Variants in ACSM6 observed in about 807,000 individuals in gnomAD.
ACSM6 encodes the protein acyl-coenzyme A synthetase ACSM6, mitochondrial.
ACSM6 carries 35 observed loss-of-function variants against 51.1 expected under a neutral mutation model. The observed-to-expected ratio is 0.69, with a 90% confidence interval of 0.52 to 0.91. The LOEUF (loss-of-function observed/expected upper bound fraction) is 0.91. Ranked by LOEUF, ACSM6 falls within the 40% of genes least tolerant of loss-of-function variation. The pLI, the probability that ACSM6 is intolerant of heterozygous loss-of-function variation, is 0.00. For synonymous variants in ACSM6, 172 were observed against 207.3 expected (o/e 0.83, Z 1.46); for missense variants, 509 against 584.1 (o/e 0.87, Z 1.32).
At chr10:95,222,904 G>A (rs1408589420) in intron 9 of ACSM6, among the ~76,000 whole-genome samples, 1 of 143,182 alleles carries the variant, frequency 7.0e-6, no homozygotes, top group Non-Finnish European at 1.5e-5. Context: ...GTGATGAATA[G>A]GTTTATGGCA....
intron 8 of ACSM6, among the ~76,000 whole-genome samples, chr10:95,215,282 A>G (rs1051740055): frequency 5.3e-5 from 8 of 152,210 alleles, no homozygotes; most frequent in African/African-American, 1.7e-4. Context: ...GATGGGGTAC[A>G]AGTCTGAGTG....
Position 95,211,918 on chromosome 10 carries a change from CTGGGTGATGCCTT to C in ACSM6, c.800_812del (p.Gly267ValfsTer6). 6.2e-7 allele frequency: 1 copy of C among 1,613,190 alleles called. No individual in the cohort carries two copies. Among genetic ancestry groups the C allele is most frequent in the Middle Eastern group, 1.7e-4 (1 of 6,050 alleles). The stretch of plus-strand genomic sequence containing the variant: ...CCAGCCAACAGATGTCTTGTGGAGT[CTGGGTGATGCCTT>C]TGGTGGATCTTTATCCCTGAGCGCT... On this transcript the variant is annotated frameshift_variant, in exon 6 of 11. Coordinates refer to ENST00000341686, the Ensembl canonical transcript of ACSM6. LOFTEE classifies it high-confidence loss of function.
At chr10:95,227,557 A>C (rs1323354228) in intron 10 of ACSM6, among the ~76,000 whole-genome samples, 1 of 152,222 alleles carries the variant, frequency 6.6e-6, no homozygotes, top group Non-Finnish European at 1.5e-5. Flanking sequence ...ACTTCAATAC[A>C]CTGAGACTTT....
At chr10:95,194,775 T>A in intron 2 of ACSM6, 98 bp downstream of exon 2, 1 of 1,104,636 alleles carries the variant, frequency 9.1e-7, no homozygotes, top group Non-Finnish European at 1.3e-6. Context: ...TGGCTGGCAC[T>A]AGAAAGTGCA....
chr10:95,211,824 T>A, intron 5 of ACSM6, 54 bp from the exon 6 acceptor site: 1 of 1,507,936 alleles, frequency 6.6e-7, no homozygotes. Context: ...AGTATTATTG[T>A]TGTTGCTAGT....
chr10:95,203,414 TC>T (rs1377022570), intron 3 of ACSM6, among the ~76,000 whole-genome samples: 4 of 152,044 alleles, frequency 2.6e-5, no homozygotes, highest in African/African-American at 4.8e-5. Context: ...CCCAAAACCA[TC>T]CTCTTGCCTC....
chr10:95,194,541 A>G (rs591157), exon 2 of ACSM6: 825,752 of 1,551,332 alleles, frequency 0.53, 227,497 homozygotes, highest in Middle Eastern at 0.62. Context: ...CTGGGATTTG[A>G]AGCCTGCTGC....
exon 9 of ACSM6, chr10:95,219,951 T>A (rs753683098): frequency 4.3e-6 from 7 of 1,612,832 alleles, no homozygotes; most frequent in Non-Finnish European, 5.1e-6. Flanking sequence ...GGGGAAGCCA[T>A]TGCCACCTTA....
chr10:95,227,807 C>A (rs1304649515), intron 10 of ACSM6, among the ~76,000 whole-genome samples: 1 of 152,232 alleles, frequency 6.6e-6, no homozygotes, highest in African/African-American at 2.4e-5. Context: ...GTGGCTCATG[C>A]CTGTAATCCC....
exon 4 of ACSM6, chr10:95,207,246 A>C: frequency 6.2e-7 from 1 of 1,614,146 alleles, no homozygotes; most frequent in Non-Finnish European, 8.5e-7. Flanking sequence ...GCTGACTGCC[A>C]AGAAAATTCG....
At chr10:95,198,224 A>G (rs1408583322) in intron 2 of ACSM6, among the ~76,000 whole-genome samples, 1 of 151,864 alleles carries the variant, frequency 6.6e-6, no homozygotes, top group Non-Finnish European at 1.5e-5. Flanking sequence ...TTCCCTACAT[A>G]TCACCCTAAA....
At chr10:95,209,264 C>A (rs2034871643) in intron 4 of ACSM6, among the ~76,000 whole-genome samples, 1 of 152,200 alleles carries the variant, frequency 6.6e-6, no homozygotes, top group Admixed American at 6.6e-5. Context: ...TGGGAGCGAG[C>A]TTAAACTGTG....
chr10:95,207,976 A>C (rs895865385), intron 4 of ACSM6, among the ~76,000 whole-genome samples: 13 of 151,982 alleles, frequency 8.6e-5, no homozygotes, highest in African/African-American at 3.1e-4. Flanking sequence ...CCCCGTCTCT[A>C]CTAAAAGTAC....
At chr10:95,221,953 T>C (rs540086815) in intron 9 of ACSM6, among the ~76,000 whole-genome samples, 1 of 152,274 alleles carries the variant, frequency 6.6e-6, no homozygotes, top group East Asian at 1.9e-4. Flanking sequence ...AAAAAGCACA[T>C]AGCTAACTAA....
At chr10:95,208,957 A>AAT (rs1430834200) in intron 4 of ACSM6, among the ~76,000 whole-genome samples, 1 of 149,704 alleles carries the variant, frequency 6.7e-6, no homozygotes, top group East Asian at 1.9e-4. Context: ...AAAAAAAAAA[A>AAT]AAAGCAGTAA....
intron 2 of ACSM6, 78 bp from the exon 3 acceptor site, chr10:95,201,907 G>A: frequency 2.4e-6 from 3 of 1,238,848 alleles, no homozygotes; most frequent in South Asian, 1.3e-5. Flanking sequence ...ACTTGAGGGT[G>A]CTGTCTGGCA....
At chr10:95,203,956 G>A (rs947045559) in intron 3 of ACSM6, among the ~76,000 whole-genome samples, 3 of 151,686 alleles carry the variant, frequency 2.0e-5, no homozygotes, top group African/African-American at 7.3e-5. Context: ...CAGAAGAGAG[G>A]AAGGGAGTGA....
intron 3 of ACSM6, among the ~76,000 whole-genome samples, chr10:95,205,249 T>C (rs1385581970): frequency 1.3e-5 from 2 of 152,072 alleles, no homozygotes; most frequent in African/African-American, 4.8e-5. Flanking sequence ...ACAAAAGAAA[T>C]TTGAACACTG....
At chr10:95,223,589 C>T (rs1165572731) in intron 9 of ACSM6, among the ~76,000 whole-genome samples, 1 of 152,000 alleles carries the variant, frequency 6.6e-6, no homozygotes, top group Non-Finnish European at 1.5e-5. Context: ...ATCATCTCAA[C>T]AGACACAGAA....
Sources: gnomAD v4.1 joint callset for allele counts (sites outside exome capture counted in the v4.1 genomes callset) on GRCh38, gnomAD v4.1.1 for gene constraint, MANE v1.5 for transcripts, NCBI Gene and HGNC (gene_info 2026-07-23, HGNC 2026-07-21) for gene names.